Variants in PLCB1 observed in about 807,000 individuals in gnomAD.
PLCB1 encodes the protein phospholipase C beta 1.
In PLCB1, 46 loss-of-function variants were observed where a neutral mutation model predicts 161.8. That is an observed-to-expected ratio of 0.28 (90% confidence interval 0.22 to 0.36). PLCB1 has a LOEUF of 0.36. Ranked by LOEUF, PLCB1 falls within the 10% of genes least tolerant of loss-of-function variation. PLCB1 has a pLI of 1.00. For synonymous variants in PLCB1, 517 were observed against 503.7 expected (o/e 1.03, Z -0.35); for missense variants, 1,016 against 1,472.5 (o/e 0.69, Z 5.07).
intron 2 of PLCB1, among the ~76,000 whole-genome samples, chr20:8,170,680 G>A (rs1297715701): frequency 6.6e-6 from 1 of 152,070 alleles, no homozygotes; most frequent in Non-Finnish European, 1.5e-5. Flanking sequence ...TTTAATCTCT[G>A]ACTTTATATA....
chr20:8,608,233 A>C (rs1987812314), intron 3 of PLCB1, among the ~76,000 whole-genome samples: 1 of 152,212 alleles, frequency 6.6e-6, no homozygotes, highest in South Asian at 2.1e-4. Context: ...GAGAGCACAA[A>C]ATTTAAATAA....
At chr20:8,285,282 A>T (rs1983060688) in intron 2 of PLCB1, among the ~76,000 whole-genome samples, 1 of 148,992 alleles carries the variant, frequency 6.7e-6, no homozygotes, top group Non-Finnish European at 1.5e-5. Flanking sequence ...TTCTAAATAT[A>T]TATATTTATA....
intron 2 of PLCB1, among the ~76,000 whole-genome samples, chr20:8,255,086 A>G (rs914073202): frequency 1.3e-5 from 2 of 152,108 alleles, no homozygotes; most frequent in Non-Finnish European, 2.9e-5. Flanking sequence ...GTACTTTATC[A>G]TCAAAACATT....
chr20:8,546,110 T>A, intron 3 of PLCB1, among the ~76,000 whole-genome samples: 1 of 150,940 alleles, frequency 6.6e-6, no homozygotes, highest in East Asian at 1.9e-4. Context: ...AGGTCAGGAG[T>A]TTGAGACCAG....
intron 31 of PLCB1, among the ~76,000 whole-genome samples, chr20:8,805,537 G>T (rs543732949): frequency 6.6e-6 from 1 of 152,136 alleles, no homozygotes; most frequent in Non-Finnish European, 1.5e-5. Flanking sequence ...CCGTAGAAAG[G>T]CATCAAAATA....
At chr20:8,767,910 G>A (rs1406281366) in intron 26 of PLCB1, among the ~76,000 whole-genome samples, 3 of 152,172 alleles carry the variant, frequency 2.0e-5, no homozygotes, top group African/African-American at 7.2e-5. Context: ...TTGGCTGGGC[G>A]CAATGGCTCA....
intron 25 of PLCB1, 80 bp from the exon 26 acceptor site, chr20:8,765,059 C>G: frequency 1.9e-6 from 2 of 1,079,758 alleles, no homozygotes; most frequent in East Asian, 2.4e-5. Context: ...ACCATTTCTT[C>G]CTAAGAAGGT....
chr20:8,567,978 A>G (rs1311966588), intron 3 of PLCB1, among the ~76,000 whole-genome samples: 1 of 152,232 alleles, frequency 6.6e-6, no homozygotes, highest in East Asian at 1.9e-4. Context: ...TGAAGAAGTC[A>G]GAAGTTCTAA....
At chr20:8,134,692 A>C (rs187887108) in intron 1 of PLCB1, among the ~76,000 whole-genome samples, 2 of 152,124 alleles carry the variant, frequency 1.3e-5, no homozygotes, top group East Asian at 3.9e-4. Flanking sequence ...CACCAATGAG[A>C]GAGAGATTGG....
intron 2 of PLCB1, among the ~76,000 whole-genome samples, chr20:8,331,022 T>G (rs1205632677): frequency 6.6e-6 from 1 of 152,210 alleles, no homozygotes; most frequent in African/African-American, 2.4e-5. Flanking sequence ...AACAGTGGAC[T>G]AGCAGAAAAT....
chr20:8,204,519 C>T (rs1421927316), intron 2 of PLCB1, among the ~76,000 whole-genome samples: 2 of 151,998 alleles, frequency 1.3e-5, no homozygotes, highest in African/African-American at 2.4e-5. Context: ...AAGTGTTTGG[C>T]TCATGGGGGC....
chr20:8,797,847 C>T (rs1257632747), intron 31 of PLCB1, among the ~76,000 whole-genome samples: 2 of 152,118 alleles, frequency 1.3e-5, no homozygotes, highest in Non-Finnish European at 2.9e-5. Context: ...GTTCAATGTC[C>T]CCTTCAGTTT....
intron 31 of PLCB1, among the ~76,000 whole-genome samples, chr20:8,816,851 G>C (rs182893919): frequency 6.6e-6 from 1 of 152,284 alleles, no homozygotes. Flanking sequence ...AGTGATAAAA[G>C]TTAGTTTTAA....
chr20:8,141,622 G>GAA (rs10599705), intron 1 of PLCB1, among the ~76,000 whole-genome samples: 8 of 92,568 alleles, frequency 8.6e-5, no homozygotes, highest in East Asian at 2.7e-4. Context: ...GCGATACTCC[G>GAA]AAAAAAAAAA....
At chr20:8,247,828 T>G (rs1980957715) in intron 2 of PLCB1, among the ~76,000 whole-genome samples, 1 of 151,942 alleles carries the variant, frequency 6.6e-6, no homozygotes, top group Non-Finnish European at 1.5e-5. Flanking sequence ...TCATCTTAGC[T>G]TTAGGGTTTT....
At chr20:8,766,103 G>A (rs760463905) in intron 26 of PLCB1, among the ~76,000 whole-genome samples, 7 of 152,174 alleles carry the variant, frequency 4.6e-5, no homozygotes, top group Non-Finnish European at 7.4e-5. Context: ...CCCAAACCTT[G>A]ATGATGAGAA....
intron 3 of PLCB1, among the ~76,000 whole-genome samples, chr20:8,626,177 CAAAA>C (rs71184104): frequency 2.2e-4 from 26 of 117,454 alleles, no homozygotes; most frequent in Middle Eastern, 4.5e-3. Context: ...GACTCCATCT[CAAAA>C]AAAAAAAAAA....
intron 31 of PLCB1, among the ~76,000 whole-genome samples, chr20:8,867,866 A>G (rs908129433): frequency 6.6e-6 from 1 of 152,150 alleles, no homozygotes; most frequent in Non-Finnish European, 1.5e-5. Flanking sequence ...TTGAGTTCAG[A>G]GATTCTGAAA....
intron 31 of PLCB1, among the ~76,000 whole-genome samples, chr20:8,867,414 G>A (rs1350176003): frequency 6.6e-6 from 1 of 152,240 alleles, no homozygotes; most frequent in East Asian, 1.9e-4. Flanking sequence ...CTCGGTGTAA[G>A]AACTGAATTC....
Sources: gnomAD v4.1 joint callset for allele counts (sites outside exome capture counted in the v4.1 genomes callset) on GRCh38, gnomAD v4.1.1 for gene constraint, MANE v1.5 for transcripts, NCBI Gene and HGNC (gene_info 2026-07-23, HGNC 2026-07-21) for gene names.